Variants in EEIG2 observed in about 807,000 individuals in gnomAD.
EEIG2 encodes the protein family with sequence similarity 102 member B.
the EEIG2 span, chr1:108,628,282 T>C: frequency 6.2e-7 from 1 of 1,613,582 alleles, no homozygotes; most frequent in Non-Finnish European, 8.5e-7. Context: ...AACAGTGAAG[T>C]TGAATTCCTT....
At chr1:108,581,573 C>G in the EEIG2 span, among the ~76,000 whole-genome samples, 13 of 152,096 alleles carry the variant, frequency 8.5e-5, no homozygotes, top group African/African-American at 2.7e-4. Context: ...TGATTTCGGT[C>G]CTCATGGATG....
At chr1:108,591,624 G>A in the EEIG2 span, among the ~76,000 whole-genome samples, 1 of 152,208 alleles carries the variant, frequency 6.6e-6, no homozygotes, top group Admixed American at 6.5e-5. Context: ...ACTGAAGACT[G>A]AGTGAATGAT....
the EEIG2 span, among the ~76,000 whole-genome samples, chr1:108,573,858 T>C: frequency 6.3e-3 from 954 of 152,086 alleles, 14 homozygotes; most frequent in African/African-American, 0.022. Flanking sequence ...ATGGCAACTA[T>C]CAAAAACAAA....
chr1:108,576,137 G>A, the EEIG2 span, among the ~76,000 whole-genome samples: 1 of 152,202 alleles, frequency 6.6e-6, no homozygotes, highest in Admixed American at 6.5e-5. Flanking sequence ...ACACACCACT[G>A]TGCCTGGCTC....
the EEIG2 span, among the ~76,000 whole-genome samples, chr1:108,561,697 G>A: frequency 6.6e-6 from 1 of 152,206 alleles, no homozygotes; most frequent in African/African-American, 2.4e-5. Flanking sequence ...AAACTGTGGT[G>A]ACACATCAGT....
chr1:108,633,014 G>A, the EEIG2 span, among the ~76,000 whole-genome samples: 1 of 146,222 alleles, frequency 6.8e-6, no homozygotes, highest in Non-Finnish European at 1.5e-5. Flanking sequence ...CAAACTCCTG[G>A]CCTCAAGTGA....
chr1:108,627,281 C>G, the EEIG2 span: 1 of 152,194 alleles, frequency 6.6e-6, no homozygotes, highest in South Asian at 2.1e-4. Flanking sequence ...GCAGAAGGAC[C>G]AGGTTACTCC....
chr1:108,594,039 CTCAA>C, the EEIG2 span, among the ~76,000 whole-genome samples: 1 of 152,200 alleles, frequency 6.6e-6, no homozygotes, highest in East Asian at 1.9e-4. Context: ...AACTCCTGAG[CTCAA>C]GCAATCCGCT....
At chr1:108,628,206 G>A in the EEIG2 span, 3 of 1,614,144 alleles carry the variant, frequency 1.9e-6, no homozygotes, top group Non-Finnish European at 1.7e-6. Context: ...GACGAACTTG[G>A]TGCCTGTGGA....
At chr1:108,579,762 T>TGAGAGA in the EEIG2 span, among the ~76,000 whole-genome samples, 1 of 22,908 alleles carries the variant, frequency 4.4e-5, no homozygotes, top group Non-Finnish European at 1.2e-4. Flanking sequence ...TGTGTGTGTG[T>TGAGAGA]GTGTGTGTGT....
At chr1:108,608,451 A>G in the EEIG2 span, among the ~76,000 whole-genome samples, 1 of 152,244 alleles carries the variant, frequency 6.6e-6, no homozygotes. Context: ...GAATGAATTA[A>G]TATCTGGGAC....
chr1:108,632,946 A>ATTTTT, the EEIG2 span, among the ~76,000 whole-genome samples: 6 of 132,154 alleles, frequency 4.5e-5, no homozygotes, highest in Admixed American at 7.8e-5. Context: ...CATGCCCAGC[A>ATTTTT]TTTTTTTTTT....
At chr1:108,625,457 A>G in the EEIG2 span, 4 of 152,338 alleles carry the variant, frequency 2.6e-5, no homozygotes, top group East Asian at 1.9e-4. Context: ...GTGAAGTTAT[A>G]TAATTAACCC....
At chr1:108,612,176 A>G in the EEIG2 span, 1 of 1,603,082 alleles carries the variant, frequency 6.2e-7, no homozygotes, top group Non-Finnish European at 8.5e-7. Flanking sequence ...TTCTTTTCAT[A>G]GCTGGGCTTT....
the EEIG2 span, among the ~76,000 whole-genome samples, chr1:108,602,221 G>T: frequency 6.6e-6 from 1 of 152,128 alleles, no homozygotes; most frequent in Non-Finnish European, 1.5e-5. Flanking sequence ...AAGCAAAAAA[G>T]CCCCTGTACT....
At chr1:108,630,660 T>TC in the EEIG2 span, among the ~76,000 whole-genome samples, 4 of 152,204 alleles carry the variant, frequency 2.6e-5, no homozygotes, top group African/African-American at 9.7e-5. Flanking sequence ...CTGCCAAACT[T>TC]ACATTGATTA....
At chr1:108,581,573 C>T in the EEIG2 span, among the ~76,000 whole-genome samples, 2,632 of 152,212 alleles carry the variant, frequency 0.017, 56 homozygotes, top group Admixed American at 0.034. Context: ...TGATTTCGGT[C>T]CTCATGGATG....
chr1:108,599,453 T>C, the EEIG2 span, among the ~76,000 whole-genome samples: 4 of 152,188 alleles, frequency 2.6e-5, no homozygotes, highest in Non-Finnish European at 5.9e-5. Context: ...CTCTTTCCTA[T>C]GTTAGAGGAA....
the EEIG2 span, among the ~76,000 whole-genome samples, chr1:108,585,401 T>A: frequency 6.6e-6 from 1 of 152,128 alleles, no homozygotes; most frequent in Non-Finnish European, 1.5e-5. Flanking sequence ...CCTACCCTGC[T>A]CCCTCTGGGG....
Sources: allele counts gnomAD v4.1 joint callset (sites outside exome capture counted in the v4.1 genomes callset), GRCh38; gene constraint gnomAD v4.1.1; transcripts MANE v1.5; gene names NCBI Gene and HGNC (gene_info 2026-07-23, HGNC 2026-07-21).